Variants in EHBP1L1 observed in about 807,000 individuals in gnomAD.
EHBP1L1 encodes the protein EH domain-binding protein 1-like protein 1.
EHBP1L1 carries 122 observed loss-of-function variants against 151.1 expected under a neutral mutation model. The ratio of observed to expected loss-of-function variants is 0.81; its 90% confidence interval spans 0.70 to 0.94. The LOEUF is 0.94. EHBP1L1 is among the 40% of genes least tolerant of loss of function. The probability of loss-of-function intolerance (pLI) is 0.00; values close to 1 mark genes in which losing one functional copy is unlikely to be tolerated. For synonymous variants in EHBP1L1, 878 were observed against 810.1 expected (o/e 1.08, Z -1.42); for missense variants, 1,941 against 1,959.8 (o/e 0.99, Z 0.18).
chr11:65,590,612 C>G lies in EHBP1L1; in HGVS notation c.4283+20C>G. 1.9e-6 allele frequency: 3 copies of G among 1,609,448 alleles called. No individual in the cohort carries two copies. Among genetic ancestry groups the G allele is most frequent in the South Asian group, 2.2e-5 (2 of 90,778 alleles). ...GCTGCTGTGAGTGCTGGCCCCGGGCCAGGAGAGCAGAGGGACTCTTAGCTA... is the reference window on the plus strand; with the variant it reads ...GCTGCTGTGAGTGCTGGCCCCGGGCGAGGAGAGCAGAGGGACTCTTAGCTA... On this transcript the variant is annotated intron_variant, in intron 16 of 18. Transcript: ENST00000309295.
At chr11:65,590,704 C>A in intron 16 of EHBP1L1, 112 bp downstream of exon 16, 1 of 969,790 alleles carries the variant, frequency 1.0e-6, no homozygotes, top group Non-Finnish European at 1.6e-6. Context: ...GATTCCTCTT[C>A]CATCTTACTG....
intron 15 of EHBP1L1, 59 bp from the exon 16 acceptor site, chr11:65,590,434 C>T: frequency 2.5e-6 from 4 of 1,583,522 alleles, no homozygotes; most frequent in Non-Finnish European, 3.4e-6. Flanking sequence ...CAACCCCCAG[C>T]TGCCCTACCC....
At position 65,591,787 on chromosome 11, in the gene EHBP1L1, C is replaced by CCCCCCCCCAA; in HGVS notation, c.4284-13_4284-12insCCCCCCCCAA. On this transcript the variant is annotated splice_polypyrimidine_tract_variant and intron_variant, in intron 16 of 18. Coordinates refer to ENST00000309295, the MANE Select transcript of EHBP1L1 (RefSeq NM_001099409.3). Reference sequence around the variant, plus strand: ...TGCCACCCCCCCGCCACCCACCCCCCGCCACCTTCCAGCATGGAGGAGCAG... The same window carrying CCCCCCCCCAA: ...TGCCACCCCCCCGCCACCCACCCCCCCCCCCCCCAAGCCACCTTCCAGCATGGAGGAGCAG... 6.5e-7 allele frequency: 1 copy of CCCCCCCCCAA among 1,535,216 alleles called. No individual in the cohort carries two copies. Among genetic ancestry groups the CCCCCCCCCAA allele is most frequent in the Non-Finnish European group, 8.8e-7 (1 of 1,136,204 alleles).
At chr11:65,580,609 C>A in intron 6 of EHBP1L1, 130 bp downstream of exon 6, 1 of 1,231,644 alleles carries the variant, frequency 8.1e-7, no homozygotes, top group Non-Finnish European at 1.1e-6. Flanking sequence ...CCCAACCAAC[C>A]CAGCAGCCTC....
Position 65,584,486 on chromosome 11 carries a change from T to G in EHBP1L1, c.3252T>G (p.Ile1084Met). ...AILHRFYPDK[I>M]DYASLDPLNI... ...CCTCTGACCAGCACACTCTCTGCAG[T>G]GACTATGCCTCGCTAGACCCACTCA... Residue 1084 changes from isoleucine (I) to methionine (M), a missense_variant and splice_region_variant, in exon 11 of 19, where the codon ATT becomes ATG. Coordinates refer to ENST00000309295, the MANE Select transcript of EHBP1L1 (RefSeq NM_001099409.3). 1 of 1,613,120 alleles carries G rather than the reference T, an allele frequency of 6.2e-7. No homozygotes were observed. The highest frequency in any genetic ancestry group is 8.5e-7 in the Non-Finnish European group (1 of 1,179,720).
chr11:65,587,299 G>A (rs776321053), intron 12 of EHBP1L1, among the ~76,000 whole-genome samples: 5 of 152,086 alleles, frequency 3.3e-5, no homozygotes, highest in African/African-American at 7.2e-5. Flanking sequence ...TTTGAACCCC[G>A]GAGGCGGAGG....
rs774543657 is a variant in EHBP1L1 at position 65,579,303 on chromosome 11, A to G, written c.163-38A>G. 10 of 1,503,306 alleles carry G rather than the reference A, an allele frequency of 6.7e-6. No homozygotes were observed. In the East Asian group the frequency reaches 2.5e-4, roughly 37 times the overall value. The allele number at this position is 1,503,306 out of a possible 1,614,324, so 93.1% of individuals were successfully genotyped here. A position where few individuals can be genotyped will look rare whatever the true frequency, so the allele number is the denominator to read the frequency against. ...ATAGGGGGTGCAGGTGGGAGGGAAGAGTTAAGATGGGGGGAGGACTCAGAT... is the reference window on the plus strand; with the variant it reads ...ATAGGGGGTGCAGGTGGGAGGGAAGGGTTAAGATGGGGGGAGGACTCAGAT... On this transcript the variant is annotated intron_variant, in intron 2 of 18. Coordinates refer to ENST00000309295, the MANE Select transcript of EHBP1L1 (RefSeq NM_001099409.3).
intron 16 of EHBP1L1, chr11:65,591,545 C>T: frequency 1.7e-6 from 1 of 585,278 alleles, no homozygotes. Context: ...ACTGTTCATC[C>T]AAATAATCCT....
chr11:65,583,588 T>C lies in EHBP1L1; in HGVS notation c.2916T>C (p.Phe972=). The change falls in exon 9 of 19, where the codon TTT becomes TTC. Residue 972 remains phenylalanine, a synonymous_variant. Coordinates refer to ENST00000309295, the MANE Select transcript of EHBP1L1 (RefSeq NM_001099409.3). Reference sequence around the variant, plus strand: ...CTCCAGAGAACAAATCTGGTACTTTTAAGGCCCAGGAAGCGGAGGCTGGGG... The same window carrying C: ...CTCCAGAGAACAAATCTGGTACTTTCAAGGCCCAGGAAGCGGAGGCTGGGG... ...LESPENKSGT[F]KAQEAEAGVL... 1.9e-6 allele frequency: 3 copies of C among 1,607,090 alleles called. No homozygotes were observed. The highest frequency in any genetic ancestry group is 2.6e-6 in the Non-Finnish European group (3 of 1,175,552).
chr11:65,584,922 ACCG>A, intron 11 of EHBP1L1, 34 bp from the exon 12 acceptor site: 1 of 1,527,628 alleles, frequency 6.5e-7, no homozygotes. Context: ...GGCGCGGGCC[ACCG>A]CCGCCGCTGA....
In EHBP1L1 at chr11:65,592,289, G is replaced by A. The variant is rs1858374831; in HGVS notation, c.4559G>A (p.Cys1520Tyr). Residue 1520 changes from cysteine to tyrosine, a missense_variant, in exon 19 of 19, where the codon TGC (cysteine) becomes TAC (tyrosine). Physicochemically the swap from Cys to Tyr is radical, Grantham distance 194. Coordinates refer to ENST00000309295, the MANE Select transcript of EHBP1L1 (RefSeq NM_001099409.3). ...LSRQLSRRER[C>Y]VLS is the part of the protein sequence containing the mutation. ...CGGCAGTTGAGCCGGCGGGAGCGCT[G>A]CGTGCTGAGCTGAGGCCGCCGGCCC... 1 of 1,515,978 alleles carries A rather than the reference G, an allele frequency of 6.6e-7. No homozygotes were observed. Among genetic ancestry groups the A allele is most frequent in the Non-Finnish European group, 8.8e-7 (1 of 1,139,132 alleles). The allele number at this position is 1,515,978 out of a possible 1,614,324, so 93.9% of individuals were successfully genotyped here. A position where few individuals can be genotyped will look rare whatever the true frequency, so the allele number is the denominator to read the frequency against.
chr11:65,579,315 G>A (rs1395412067), intron 2 of EHBP1L1, 26 bp from the exon 3 acceptor site: 46 of 1,521,188 alleles, frequency 3.0e-5, no homozygotes, highest in African/African-American at 4.1e-5. Flanking sequence ...TTAAGATGGG[G>A]GGAGGACTCA....
In EHBP1L1 at chr11:65,585,224, G is replaced by GGCCCCAGGA; in HGVS notation, c.3571_3579dup (p.Gln1191_Pro1193dup). On this transcript the variant is annotated inframe_insertion, in exon 12 of 19. Transcript: ENST00000309295. The surrounding 1 kb of genome is among the most constrained non-coding windows in gnomAD (Gnocchi z 4.0). ...CGGCTGCGCGGTCACGGGGCCGAGG[G>GGCCCCAGGA]GCCCCAGGAGCCCAAGGAGGCCGCA... The GGCCCCAGGA allele has an allele frequency of 6.2e-6, 7 of 1,136,540 alleles. No homozygotes were observed. Among genetic ancestry groups the GGCCCCAGGA allele is most frequent in the Non-Finnish European group, 7.6e-6 (7 of 926,536 alleles). 70.4% of individuals were successfully genotyped at this position (1,136,540 alleles called of 1,614,324 possible).
chr11:65,591,895 C>T (rs760353478), intron 17 of EHBP1L1, 22 bp downstream of exon 17: 6 of 1,603,380 alleles, frequency 3.7e-6, no homozygotes, highest in African/African-American at 1.3e-5. Context: ...GCTCAGGGGC[C>T]GGGAGGCAAG....
chr11:65,584,422 C>T (rs12224544), intron 10 of EHBP1L1, 24 bp downstream of exon 10: 32 of 1,613,332 alleles, frequency 2.0e-5, no homozygotes, highest in Non-Finnish European at 2.6e-5. Context: ...GGGGTGGGAA[C>T]GAATGGGGGA....
At chr11:65,577,419 A>G (rs557445878) in intron 1 of EHBP1L1, among the ~76,000 whole-genome samples, 1 of 152,120 alleles carries the variant, frequency 6.6e-6, no homozygotes, top group Non-Finnish European at 1.5e-5. Context: ...AGCCTGGGAG[A>G]GCTTGGGGGC....
Position 65,592,296 on chromosome 11 carries a change from G to A in EHBP1L1, c.4566G>A (p.Leu1522=), listed in dbSNP as rs1858375783. The A allele has an allele frequency of 6.7e-7, 1 of 1,495,124 alleles. No homozygotes were observed. Among genetic ancestry groups the A allele is most frequent in the Admixed American group, 2.3e-5 (1 of 43,742 alleles). The allele number at this position is 1,495,124 out of a possible 1,614,324, so 92.6% of individuals were successfully genotyped here. A position where few individuals can be genotyped will look rare whatever the true frequency, so the allele number is the denominator to read the frequency against. Residue 1522 remains leucine (L), a synonymous_variant, in exon 19 of 19, where the codon CTG becomes CTA. Coordinates refer to ENST00000309295, the MANE Select transcript of EHBP1L1 (RefSeq NM_001099409.3). ...TGAGCCGGCGGGAGCGCTGCGTGCTGAGCTGAGGCCGCCGGCCCGGGTGGC... is the reference window on the plus strand; with the variant it reads ...TGAGCCGGCGGGAGCGCTGCGTGCTAAGCTGAGGCCGCCGGCCCGGGTGGC... ...RQLSRRERCV[L]S is the part of the protein sequence containing the mutation.
At position 65,582,123 on chromosome 11, in the gene EHBP1L1, A is replaced by G; in HGVS notation, c.1451A>G (p.Glu484Gly). 6.3e-7 allele frequency: 1 copy of G among 1,598,082 alleles called. No individual in the cohort carries two copies. Among genetic ancestry groups the G allele is most frequent in the Non-Finnish European group, 8.5e-7 (1 of 1,172,368 alleles). ...APSGLSLPPA[E>G]PAGHSGQLGD... ...TCAGGCCTGAGCCTGCCCCCAGCGGAGCCTGCAGGGCACTCTGGGCAACTT... is the reference window on the plus strand; with the variant it reads ...TCAGGCCTGAGCCTGCCCCCAGCGGGGCCTGCAGGGCACTCTGGGCAACTT... The change falls in exon 9 of 19, where the codon GAG (glutamate) becomes GGG (glycine). Residue 484 changes from glutamate (E) to glycine (G), a missense_variant. Coordinates refer to ENST00000309295, the MANE Select transcript of EHBP1L1 (RefSeq NM_001099409.3).
At chr11:65,579,897 C>A in intron 3 of EHBP1L1, 39 bp from the exon 4 acceptor site, 1 of 1,607,118 alleles carries the variant, frequency 6.2e-7, no homozygotes, top group Non-Finnish European at 8.5e-7. Context: ...TTTGCTGCTG[C>A]CCCAACAGTC....
Sources: gnomAD v4.1 joint callset for allele counts (sites outside exome capture counted in the v4.1 genomes callset) on GRCh38, gnomAD v4.1.1 for gene constraint, Gnocchi (gnomAD v3.1) non-coding constraint, MANE v1.5 for transcripts, NCBI Gene and HGNC (gene_info 2026-07-23, HGNC 2026-07-21) for gene names.